Variants in RERE observed in about 807,000 individuals in gnomAD.
RERE encodes arginine-glutamic acid dipeptide repeats protein.
RERE carries 40 observed loss-of-function variants against 146.1 expected under a neutral mutation model. That is an observed-to-expected ratio of 0.27 (90% CI 0.21 to 0.36). The LOEUF (loss-of-function observed/expected upper bound fraction) is 0.36, where lower values mean the gene tolerates loss of function less well. RERE is among the 10% of genes least tolerant of loss of function. The pLI is 1.00. For missense variants in RERE, 1,933 were observed against 2,138.7 expected (o/e 0.90, Z 1.90); for synonymous variants, 1,003 against 866.0 (o/e 1.16, Z -2.78).
chr1:8,766,384 C>G (rs1237313083), intron 1 of RERE, among the ~76,000 whole-genome samples: 1 of 151,122 alleles, frequency 6.6e-6, no homozygotes, highest in East Asian at 1.9e-4. Flanking sequence ...TACTAAAAAT[C>G]AAAAAATTAG....
chr1:8,502,649 G>A (rs1385590665), intron 8 of RERE, among the ~76,000 whole-genome samples: 3 of 149,838 alleles, frequency 2.0e-5, no homozygotes, highest in East Asian at 2.0e-4. Context: ...ATAGAAAGGC[G>A]GGAAGGGTGG....
chr1:8,475,122 C>G (rs576311213), intron 10 of RERE, among the ~76,000 whole-genome samples: 20 of 152,232 alleles, frequency 1.3e-4, no homozygotes, highest in African/African-American at 4.8e-4. Context: ...ACCTGTAATC[C>G]CAGAACTTTG....
rs145868921 is a variant in RERE, at chr1:8,791,967, C to T, written c.-145+25193G>A. ...ATTAGGCCGGGCATGATAGTTCACACCTGTAATCCTAATACTTTGGAAGGC... is the reference window on the plus strand; with the variant it reads ...ATTAGGCCGGGCATGATAGTTCACATCTGTAATCCTAATACTTTGGAAGGC... On this transcript the variant is annotated intron_variant, in intron 1 of 22. Transcript: ENST00000400908. 8.5e-5 allele frequency among the ~76,000 whole-genome samples: 13 copies of T among 152,244 alleles called. No individual in the cohort carries two copies. In the East Asian group the frequency reaches 2.3e-3, roughly 27 times the overall value.
chr1:8,759,206 A>C lies in RERE; in HGVS notation c.-145+57954T>G, dbSNP rs546581333. On this transcript the variant is annotated intron_variant, in intron 1 of 22. Coordinates refer to ENST00000400908, the MANE Select transcript of RERE (RefSeq NM_001042681.2). Reference sequence around the variant, plus strand: ...GTTATATTTTTCCTTTAGAAAAATGAAAAATTCCTACTTTACTGTCAACTA... The same window carrying C: ...GTTATATTTTTCCTTTAGAAAAATGCAAAATTCCTACTTTACTGTCAACTA... Among the ~76,000 whole-genome samples, 30 of 152,388 alleles carry C rather than the reference A, an allele frequency of 2.0e-4. No homozygotes were observed. In the South Asian group the frequency reaches 4.1e-3, roughly 21 times the overall value.
At chr1:8,710,013 T>C (rs1019170563) in intron 1 of RERE, among the ~76,000 whole-genome samples, 13 of 152,370 alleles carry the variant, frequency 8.5e-5, no homozygotes, top group African/African-American at 3.1e-4. Flanking sequence ...TTTCTTTCCA[T>C]GACTCCTCCT....
rs1414780483 is a variant in RERE at position 8,361,210 on chromosome 1, G to C, written c.2297C>G (p.Pro766Arg). ...PGTPQLPTPG[P>R]TPSATAVPPQ... ...GGGAACTGCAGTGGCAGAGGGCGTGGGCCCTGGCGTGGGCAGCTGAGGGGT... is the reference window on the plus strand; with the variant it reads ...GGGAACTGCAGTGGCAGAGGGCGTGCGCCCTGGCGTGGGCAGCTGAGGGGT... The change falls in exon 18 of 23, where the codon CCC (proline) becomes CGC (arginine). Residue 766 changes from proline to arginine, a missense_variant. Around this residue, in one of 11 missense-constraint regions of RERE, gnomAD observed 1,255 missense variants for 1,153.8 expected, o/e 1.09. Transcript: ENST00000400908. The C allele has an allele frequency of 2.6e-6, 4 of 1,511,884 alleles. No individual in the cohort carries two copies. The highest frequency in any genetic ancestry group is 4.6e-5 in the East Asian group (2 of 43,566). The allele number at this position is 1,511,884 out of a possible 1,614,324, so 93.7% of individuals were successfully genotyped here.
intron 4 of RERE, among the ~76,000 whole-genome samples, chr1:8,605,759 AAAAAAAAAAAAAC>A (rs1646697666): frequency 1.3e-5 from 2 of 149,656 alleles, no homozygotes; most frequent in African/African-American, 4.9e-5. Flanking sequence ...AAAAAAAAAA[AAAAAAAAAAAAAC>A]CCCTAAAAAA....
chr1:8,437,434 GT>G (rs928221465), intron 11 of RERE, among the ~76,000 whole-genome samples: 1 of 148,950 alleles, frequency 6.7e-6, no homozygotes, highest in Non-Finnish European at 1.5e-5. Flanking sequence ...GGTGATCATT[GT>G]TTTTTTTTTC....
intron 12 of RERE, among the ~76,000 whole-genome samples, chr1:8,367,411 C>A (rs1351735629): frequency 6.6e-6 from 1 of 152,152 alleles, no homozygotes; most frequent in Non-Finnish European, 1.5e-5. Context: ...ACCACGGCTG[C>A]GGTCCCTAAA....
intron 7 of RERE, among the ~76,000 whole-genome samples, chr1:8,511,495 C>T (rs1252471938): frequency 3.9e-5 from 6 of 152,172 alleles, no homozygotes; most frequent in Admixed American, 3.9e-4. Flanking sequence ...ATGGCATTAG[C>T]CTACTATATG....
intron 1 of RERE, among the ~76,000 whole-genome samples, chr1:8,697,511 G>A (rs888314711): frequency 2.7e-5 from 4 of 150,940 alleles, no homozygotes; most frequent in Non-Finnish European, 5.9e-5. Flanking sequence ...TCCTGCCTCC[G>A]CCTACCGAGT....
At chr1:8,574,400 AGT>A (rs1646263531) in intron 4 of RERE, among the ~76,000 whole-genome samples, 1 of 130,262 alleles carries the variant, frequency 7.7e-6, no homozygotes. Flanking sequence ...ACTGGAGTGC[AGT>A]GGCACGATCT....
intron 1 of RERE, among the ~76,000 whole-genome samples, chr1:8,795,999 CA>C (rs1306755830): frequency 2.3e-5 from 3 of 129,792 alleles, no homozygotes; most frequent in African/African-American, 8.4e-5. Context: ...AAAAAAAAAA[CA>C]AAACAAAACA....
At chr1:8,504,864 AT>A (rs1384928575) in intron 8 of RERE, among the ~76,000 whole-genome samples, 1 of 152,162 alleles carries the variant, frequency 6.6e-6, no homozygotes, top group Non-Finnish European at 1.5e-5. Context: ...AAAAAAAAAA[AT>A]AAATGATCAG....
At chr1:8,493,428 A>G (rs2124226300) in intron 10 of RERE, among the ~76,000 whole-genome samples, 1 of 152,360 alleles carries the variant, frequency 6.6e-6, no homozygotes, top group Non-Finnish European at 1.5e-5. Flanking sequence ...TATTTACAGA[A>G]TGGCATATCC....
At chr1:8,757,697 C>G (rs904934578) in intron 1 of RERE, among the ~76,000 whole-genome samples, 6 of 152,050 alleles carry the variant, frequency 3.9e-5, no homozygotes, top group African/African-American at 1.4e-4. Flanking sequence ...TTCTAGTCAG[C>G]CTTTTTTCAC....
At chr1:8,549,079 T>G (rs967229007) in intron 6 of RERE, among the ~76,000 whole-genome samples, 11 of 152,188 alleles carry the variant, frequency 7.2e-5, no homozygotes, top group Non-Finnish European at 1.5e-5. Context: ...AGGCACAGGC[T>G]GGTATACATA....
chr1:8,379,852 G>A (rs1388897491), intron 12 of RERE, among the ~76,000 whole-genome samples: 2 of 152,226 alleles, frequency 1.3e-5, no homozygotes, highest in African/African-American at 4.8e-5. Flanking sequence ...GATGGACCTA[G>A]ATCTCTGCAA....
rs1050141120 is a variant in RERE, at chr1:8,748,336, GC to G, written c.-145+68823del. ...GGAATTATCTTAGACTCTTCTCTCA[GC>G]CCCACGCCAGATGCCCTCTGTCATT... On this transcript the variant is annotated intron_variant, in intron 1 of 22. Coordinates refer to ENST00000400908, the MANE Select transcript of RERE (RefSeq NM_001042681.2). Among the ~76,000 whole-genome samples, 7 of 152,116 alleles carry G rather than the reference GC, an allele frequency of 4.6e-5. No individual in the cohort carries two copies. The South Asian group carries it at 6.2e-4, about 13-fold the overall frequency.
Sources: allele counts gnomAD v4.1 joint callset (sites outside exome capture counted in the v4.1 genomes callset), GRCh38; gene constraint gnomAD v4.1.1; regional missense constraint gnomAD v4.1.1; transcripts MANE v1.5; gene names NCBI Gene and HGNC (gene_info 2026-07-23, HGNC 2026-07-21).